Variants in UPF2 observed in about 807,000 individuals in gnomAD.
UPF2 encodes regulator of nonsense transcripts 2.
A neutral mutation model predicts 141.4 loss-of-function variants in UPF2; 17 were observed. The observed-to-expected ratio is 0.12, with a 90% confidence interval of 0.08 to 0.18. The LOEUF is 0.18. Among genes scored for constraint, UPF2 ranks in the 10% least tolerant of loss-of-function variants. The pLI is 1.00. For missense variants in UPF2, 1,152 were observed against 1,515.9 expected (o/e 0.76, Z 3.99); for synonymous variants, 540 against 498.0 (o/e 1.08, Z -1.12).
At chr10:11,945,880 C>A (rs1832994365) in intron 16 of UPF2, among the ~76,000 whole-genome samples, 1 of 152,094 alleles carries the variant, frequency 6.6e-6, no homozygotes, top group African/African-American at 2.4e-5. Flanking sequence ...GAAATAGTTT[C>A]TCATTTCCCT....
intron 8 of UPF2, among the ~76,000 whole-genome samples, chr10:11,981,905 T>C (rs892116825): frequency 6.6e-6 from 1 of 152,170 alleles, no homozygotes; most frequent in Admixed American, 6.5e-5. Flanking sequence ...AGGCTGGTCT[T>C]GAACTCCTGA....
At chr10:12,035,033 T>C in intron 2 of UPF2, 26 bp downstream of exon 2, 1 of 1,531,250 alleles carries the variant, frequency 6.5e-7, no homozygotes, top group South Asian at 1.3e-5. Flanking sequence ...TTCCCTCACA[T>C]CAATAAATAC....
chr10:12,008,111 G>A (rs1338423552), intron 4 of UPF2, among the ~76,000 whole-genome samples: 3 of 151,690 alleles, frequency 2.0e-5, no homozygotes, highest in African/African-American at 7.3e-5. Flanking sequence ...TAGAACTCCT[G>A]ACCTCAAGTG....
intron 2 of UPF2, among the ~76,000 whole-genome samples, chr10:12,034,321 TATTTTA>T (rs1316704888): frequency 6.6e-6 from 1 of 151,304 alleles, no homozygotes; most frequent in African/African-American, 2.4e-5. Context: ...TTTATTTTAT[TATTTTA>T]TTTTTTTTTT....
At chr10:11,945,869 G>A (rs770981448) in intron 16 of UPF2, among the ~76,000 whole-genome samples, 49 of 151,986 alleles carry the variant, frequency 3.2e-4, no homozygotes, top group Non-Finnish European at 3.4e-4. Context: ...AATATGAAAT[G>A]GAAATAGTTT....
At chr10:11,958,622 G>A (rs1833192306) in intron 12 of UPF2, among the ~76,000 whole-genome samples, 2 of 152,078 alleles carry the variant, frequency 1.3e-5, no homozygotes, top group Non-Finnish European at 2.9e-5. Context: ...GAAATGTTTT[G>A]TTCAACATAT....
At chr10:11,984,849 A>G (rs1833660579) in intron 8 of UPF2, among the ~76,000 whole-genome samples, 1 of 152,108 alleles carries the variant, frequency 6.6e-6, no homozygotes, top group Non-Finnish European at 1.5e-5. Context: ...AGCAGCTGGA[A>G]CTACAGGTGC....
chr10:11,950,871 G>A (rs548280515), intron 15 of UPF2, among the ~76,000 whole-genome samples: 1 of 152,324 alleles, frequency 6.6e-6, no homozygotes, highest in Non-Finnish European at 1.5e-5. Context: ...GTTAATACTT[G>A]CACAATCAGT....
intron 3 of UPF2, among the ~76,000 whole-genome samples, chr10:12,017,019 C>CA (rs1834233545): frequency 7.9e-6 from 1 of 127,212 alleles, no homozygotes. Context: ...GACTCCATCT[C>CA]GGAAAAAAAA....
intron 14 of UPF2, among the ~76,000 whole-genome samples, chr10:11,955,014 T>C (rs965917403): frequency 2.6e-5 from 4 of 151,990 alleles, no homozygotes; most frequent in African/African-American, 9.7e-5. Flanking sequence ...TGACCAATCA[T>C]TATCAATCAT....
chr10:12,029,115 T>C lies in UPF2; in HGVS notation c.775A>G (p.Ile259Val). The C allele has an allele frequency of 1.9e-6, 3 of 1,614,248 alleles. No individual in the cohort carries two copies. Among genetic ancestry groups the C allele is most frequent in the South Asian group, 1.1e-5 (1 of 91,084 alleles). ...EARKEEKTPN[I>V]TKLRTDLRFI... ...CGCAAATCAGTTCTTAACTTGGTGA[T>C]GTTAGGTGTTTTCTCCTCTTTCCTT... is the stretch of plus-strand genomic sequence containing the variant. The change falls in exon 3 of 22, where the codon ATC (isoleucine) becomes GTC (valine). Residue 259 changes from isoleucine to valine, a missense_variant. This residue lies in a region of UPF2 where 739 missense variants were observed against 1,032.2 expected (regional missense o/e 0.72). Transcript: ENST00000357604.
At chr10:12,017,424 G>A (rs953795315) in intron 3 of UPF2, among the ~76,000 whole-genome samples, 2 of 152,190 alleles carry the variant, frequency 1.3e-5, no homozygotes, top group African/African-American at 4.8e-5. Flanking sequence ...AAAATGAACA[G>A]TCCTTTTCCT....
rs948629324 is a variant in UPF2, at chr10:11,953,799, G to T, written c.2850+1433C>A. Among the ~76,000 whole-genome samples, 5 of 152,224 alleles carry T rather than the reference G, an allele frequency of 3.3e-5. No individual in the cohort carries two copies. Among genetic ancestry groups the T allele is most frequent in the African/African-American group, 1.2e-4 (5 of 41,474 alleles). Reference sequence around the variant, plus strand: ...GCTCATCAATTCAGAAAGTAAGGGAGTAATAGGTTTCCCTCTACTGCAAAA... The same window carrying T: ...GCTCATCAATTCAGAAAGTAAGGGATTAATAGGTTTCCCTCTACTGCAAAA... On this transcript the variant is annotated intron_variant, in intron 14 of 21. Coordinates refer to ENST00000357604, the MANE Select transcript of UPF2 (RefSeq NM_015542.4). This position sits in a 1 kb window ranked among gnomAD's most constrained non-coding sequence, Gnocchi z 5.0.
chr10:11,969,228 C>T (rs193166675), intron 9 of UPF2, among the ~76,000 whole-genome samples: 1,819 of 151,358 alleles, frequency 0.012, 29 homozygotes, highest in African/African-American at 0.042. Context: ...AGTGCAATGG[C>T]GCGATCTCAG....
At chr10:11,942,938 T>C (rs1401599340) in intron 17 of UPF2, 126 bp downstream of exon 17, 4 of 928,084 alleles carry the variant, frequency 4.3e-6, no homozygotes, top group Non-Finnish European at 6.5e-6. Context: ...GAAAACAAAT[T>C]GAAAATGAAT....
At chr10:11,968,413 T>C (rs1302560354) in intron 9 of UPF2, among the ~76,000 whole-genome samples, 1 of 152,228 alleles carries the variant, frequency 6.6e-6, no homozygotes, top group Non-Finnish European at 1.5e-5. Context: ...TGTTAACTAT[T>C]AGTTAACATC....
chr10:12,029,936 C>T (rs1243564427), intron 2 of UPF2, among the ~76,000 whole-genome samples: 6 of 146,294 alleles, frequency 4.1e-5, no homozygotes, highest in Admixed American at 1.4e-4. Context: ...CTAGTCTGGG[C>T]GACAGAGCAA....
intron 8 of UPF2, among the ~76,000 whole-genome samples, chr10:11,991,099 T>C (rs1035503255): frequency 2.0e-5 from 3 of 151,968 alleles, no homozygotes; most frequent in Non-Finnish European, 2.9e-5. Context: ...GTACTGTCAA[T>C]TTTTTTAAAT....
rs775034455 is a variant in UPF2 at position 12,028,735 on chromosome 10, T to G, written c.1145+10A>C. 1 of 1,559,642 alleles carries G rather than the reference T, an allele frequency of 6.4e-7. No homozygotes were observed. The highest frequency in any genetic ancestry group is 8.6e-7 in the Non-Finnish European group (1 of 1,157,288). ...TAAATTCTCAACTCTGAGAAACATT[T>G]GAAAATCACCTGTTTTGTCTCTCAG... On this transcript the variant is annotated intron_variant, in intron 3 of 21. Transcript: ENST00000357604.
Sources: allele counts gnomAD v4.1 joint callset (sites outside exome capture counted in the v4.1 genomes callset), GRCh38; gene constraint gnomAD v4.1.1; regional missense constraint gnomAD v4.1.1; non-coding constraint Gnocchi (gnomAD v3.1); transcripts MANE v1.5; gene names NCBI Gene and HGNC (gene_info 2026-07-23, HGNC 2026-07-21).